KCTD2: variants seen among roughly 807,000 people sequenced by gnomAD.
The protein encoded by KCTD2 is BTB/POZ domain-containing protein KCTD2.
In KCTD2, 18 loss-of-function variants were observed where a neutral mutation model predicts 27.9. The ratio of observed to expected loss-of-function variants is 0.64; its 90% CI spans 0.45 to 0.96. The LOEUF is 0.96. KCTD2 is among the 40% of genes least tolerant of loss of function. The pLI is 0.00. For missense variants in KCTD2, 280 were observed against 348.0 expected, an observed-to-expected ratio of 0.80 and a Z score of 1.56; for synonymous variants, 175 against 148.4, an observed-to-expected ratio of 1.18 and a Z score of -1.30.
upstream of KCTD2, among the ~76,000 whole-genome samples, chr17:75,046,670 C>T (rs574895250): frequency 6.6e-6 from 1 of 152,386 alleles, no homozygotes; most frequent in African/African-American, 2.4e-5. Context: ...CTGCACGAGA[C>T]ACGGCTTGTG....
rs201521579 is a variant in KCTD2 at position 75,039,306 on chromosome 17, A to C, written c.-259+3949A>C. 2.2e-5 allele frequency: 35 copies of C among 1,597,878 alleles called. No homozygotes were observed. In the African/African-American group the frequency reaches 4.7e-4, roughly 21 times the overall value. On this transcript the variant is annotated intron_variant, in intron 3 of 7. Coordinates refer to the KCTD2 transcript ENST00000581589. ...GAAAGAGAAATTCAGTTCTGAAACC[A>C]GGCTGCATTCTACCCCAGCAGCTGC...
At chr17:75,038,905 G>A (rs1367270668) in intron 3 of KCTD2, 1 of 1,606,222 alleles carries the variant, frequency 6.2e-7, no homozygotes, top group African/African-American at 1.3e-5. Flanking sequence ...GTAATACAAG[G>A]GCCAGAGCTT....
intron 1 of KCTD2, chr17:75,033,895 A>G (rs1305880688): frequency 6.6e-6 from 1 of 152,342 alleles, no homozygotes; most frequent in African/African-American, 2.4e-5. Context: ...TGGCACGGCC[A>G]CGTGCCCCAA....
At chr17:75,054,591 G>T (rs2073330690) in intron 3 of KCTD2, among the ~76,000 whole-genome samples, 1 of 152,042 alleles carries the variant, frequency 6.6e-6, no homozygotes, top group Non-Finnish European at 1.5e-5. Flanking sequence ...AGATCATGAG[G>T]TCAGGAGATC....
At chr17:75,062,044 G>A in intron 4 of KCTD2, 76 bp from the exon 5 acceptor site, 1 of 1,535,490 alleles carries the variant, frequency 6.5e-7, no homozygotes, top group South Asian at 1.1e-5. Flanking sequence ...AGTCGGAAGA[G>A]GGGTGATTTG....
chr17:75,041,976 G>A, intron 3 of KCTD2: 1 of 500,634 alleles, frequency 2.0e-6, no homozygotes. Context: ...CCCAGATTAA[G>A]GCTACACTCT....
At chr17:75,036,100 G>A in intron 3 of KCTD2, 1 of 452,508 alleles carries the variant, frequency 2.2e-6, no homozygotes, top group Non-Finnish European at 4.4e-6. Context: ...GTCACCCAGG[G>A]TGGAGTGCAG....
chr17:75,053,126 A>G (rs1567992091), intron 3 of KCTD2, 21 bp downstream of exon 3: 1 of 1,582,180 alleles, frequency 6.3e-7, no homozygotes, highest in African/African-American at 1.3e-5. Flanking sequence ...TGGAACTGTT[A>G]AGGAGGGTTG....
In KCTD2 at chr17:75,063,566, G is replaced by A. The variant is rs929023480; in HGVS notation, c.*519G>A. The A allele has an allele frequency of 1.3e-5, 2 of 158,722 alleles. No individual in the cohort carries two copies. Among genetic ancestry groups the A allele is most frequent in the African/African-American group, 4.8e-5 (2 of 41,630 alleles). The allele number at this position is 158,722 out of a possible 1,614,324, so 9.8% of individuals were successfully genotyped here. A position where few individuals can be genotyped will look rare whatever the true frequency, so the allele number is the denominator to read the frequency against. On this transcript the variant is annotated 3_prime_UTR_variant, in exon 6 of 6. Transcript: ENST00000322444. The stretch of plus-strand genomic sequence containing the variant: ...TCTAGCTGCAGTTTGTCGAATTGAG[G>A]TTTTAGGTAAAGCATAGAGTTGCCA...
intron 2 of KCTD2, among the ~76,000 whole-genome samples, chr17:75,050,357 G>A (rs905562161): frequency 6.6e-6 from 1 of 152,078 alleles, no homozygotes; most frequent in Non-Finnish European, 1.5e-5. Flanking sequence ...AGCCTCCTGG[G>A]TTCAAGCGAT....
intron 3 of KCTD2, among the ~76,000 whole-genome samples, chr17:75,055,814 A>G (rs1167551038): frequency 6.6e-6 from 1 of 151,760 alleles, no homozygotes; most frequent in Non-Finnish European, 1.5e-5. Flanking sequence ...CCTGGGCAAC[A>G]GGAGCGAAAC....
chr17:75,057,958 G>A lies in KCTD2; in HGVS notation c.541-1552G>A, dbSNP rs2073365962. On this transcript the variant is annotated intron_variant, in intron 3 of 5. Transcript: ENST00000322444. ...GCCTGTAATCCCAGCACTTTGGGAG[G>A]CCTAGGTGGGTGGATCGCCTCAGGT... Among the ~76,000 whole-genome samples, 5 of 151,662 alleles carry A rather than the reference G, an allele frequency of 3.3e-5. No homozygotes were observed. In the Middle Eastern group the frequency reaches 0.01, roughly 312 times the overall value.
intron 4 of KCTD2, 40 bp downstream of exon 4, chr17:75,059,645 A>G (rs778872662): frequency 2.7e-6 from 4 of 1,495,842 alleles, no homozygotes; most frequent in South Asian, 2.3e-5. Flanking sequence ...GGCCCCGTTC[A>G]AGGGGTCTGC....
chr17:75,052,974 C>G, intron 2 of KCTD2, 40 bp from the exon 3 acceptor site: 4 of 1,479,572 alleles, frequency 2.7e-6, no homozygotes, highest in African/African-American at 1.4e-5. Context: ...TTCTGGCAAA[C>G]CCTCGCACCT....
At chr17:75,058,324 CAA>C (rs1054877471) in intron 3 of KCTD2, among the ~76,000 whole-genome samples, 7 of 110,154 alleles carry the variant, frequency 6.4e-5, no homozygotes, top group Non-Finnish European at 7.4e-5. Context: ...GAGACTCTCT[CAA>C]AAAAAAAAAA....
At chr17:75,055,454 G>A (rs538517326) in intron 3 of KCTD2, among the ~76,000 whole-genome samples, 2 of 151,606 alleles carry the variant, frequency 1.3e-5, no homozygotes, top group South Asian at 2.1e-4. Flanking sequence ...GGTGGCTCAC[G>A]CCTGTAATCC....
At chr17:75,046,652 G>C (rs904930527), upstream of KCTD2, among the ~76,000 whole-genome samples, 1 of 152,246 alleles carries the variant, frequency 6.6e-6, no homozygotes, top group Non-Finnish European at 1.5e-5. Context: ...TGCCGCGCTG[G>C]GAGCGGACTG....
chr17:75,045,805 A>G (rs1341241772), upstream of KCTD2, among the ~76,000 whole-genome samples: 1 of 152,208 alleles, frequency 6.6e-6, no homozygotes, highest in Non-Finnish European at 1.5e-5. Context: ...TACATCCTCA[A>G]CTGACAGGAT....
chr17:75,044,807 G>C (rs779339534), upstream of KCTD2, among the ~76,000 whole-genome samples: 1 of 152,232 alleles, frequency 6.6e-6, no homozygotes, highest in Non-Finnish European at 1.5e-5. Flanking sequence ...TAAGCTTGGA[G>C]TGGAATGCAA....
Sources: allele counts gnomAD v4.1 joint callset (sites outside exome capture counted in the v4.1 genomes callset), GRCh38; gene constraint gnomAD v4.1.1; transcripts MANE v1.5; gene names NCBI Gene and HGNC (gene_info 2026-07-23, HGNC 2026-07-21).